The following HDAC9 variants were observed in gnomAD, a reference collection of about 807,000 sequenced individuals.
The protein encoded by HDAC9 is MEF-2 interacting transcription repressor (MITR) protein.
In HDAC9, 41 loss-of-function variants were observed where a neutral mutation model predicts 139.4. The observed-to-expected ratio is 0.29, with a 90% CI of 0.23 to 0.38. The LOEUF (loss-of-function observed/expected upper bound fraction) is 0.38. Ranked by LOEUF, HDAC9 falls within the 10% of genes least tolerant of loss-of-function variation. The pLI is 1.00. For synonymous variants in HDAC9, 517 were observed against 476.2 expected (o/e 1.09, Z -1.12); for missense variants, 1,147 against 1,297.0 (o/e 0.88, Z 1.78).
chr7:18,116,603 G>T (rs1024860736), intron 1 of HDAC9, among the ~76,000 whole-genome samples: 1 of 151,708 alleles, frequency 6.6e-6, no homozygotes, highest in African/African-American at 2.4e-5. Flanking sequence ...GTTAACATAC[G>T]TATCAAATAA....
intron 1 of HDAC9, among the ~76,000 whole-genome samples, chr7:18,356,994 A>C (rs919305600): frequency 6.6e-6 from 1 of 152,170 alleles, no homozygotes; most frequent in Non-Finnish European, 1.5e-5. Context: ...ACTAGCATTA[A>C]GGTATATACT....
rs913650733 is a variant in HDAC9 at position 18,573,052 on chromosome 7, T to C, written c.23-12229T>C. On this transcript the variant is annotated intron_variant, in intron 2 of 25. Coordinates refer to ENST00000686413, the MANE Select transcript of HDAC9 (RefSeq NM_178425.4). The stretch of plus-strand genomic sequence containing the variant: ...GTTGATATTTCAAGGCCTACTGATA[T>C]TTTAGTCATTTGCGGTTATTTTTGT... Among the ~76,000 whole-genome samples the C allele has an allele frequency of 1.1e-4, 16 of 152,220 alleles. No homozygotes were observed. The East Asian group carries it at 1.2e-3, about 11-fold the overall frequency.
chr7:18,637,375 G>C (rs1008437599), intron 8 of HDAC9, among the ~76,000 whole-genome samples: 2 of 151,974 alleles, frequency 1.3e-5, no homozygotes, highest in Admixed American at 6.6e-5. Context: ...AAAAGATTTT[G>C]CTTATACTGT....
intron 2 of HDAC9, among the ~76,000 whole-genome samples, chr7:18,566,423 T>C (rs552081816): frequency 6.6e-6 from 1 of 152,218 alleles, no homozygotes; most frequent in Non-Finnish European, 1.5e-5. Context: ...ATGGTGGTTA[T>C]TGATTTACCC....
chr7:18,388,944 A>G (rs1407229436), intron 1 of HDAC9, among the ~76,000 whole-genome samples: 2 of 152,068 alleles, frequency 1.3e-5, no homozygotes, highest in Non-Finnish European at 2.9e-5. Flanking sequence ...TTTTTGTCTG[A>G]ACTAACCTTT....
At chr7:18,495,300 A>G (rs1419174324), upstream of HDAC9, among the ~76,000 whole-genome samples, 1 of 152,134 alleles carries the variant, frequency 6.6e-6, no homozygotes, top group Non-Finnish European at 1.5e-5. Flanking sequence ...GTATTATTTT[A>G]GAACCAATAC....
At chr7:18,442,519 C>G (rs1469660304) in intron 1 of HDAC9, among the ~76,000 whole-genome samples, 1 of 152,162 alleles carries the variant, frequency 6.6e-6, no homozygotes, top group Non-Finnish European at 1.5e-5. Context: ...TATTCATATG[C>G]TCATTTTATC....
Position 18,518,332 on chromosome 7 carries a change from T to A in HDAC9, c.22+22008T>A, listed in dbSNP as rs563864540. On this transcript the variant is annotated intron_variant, in intron 2 of 25. Transcript: ENST00000686413. ...GGATCTGTGAATGAGCTTTAGGCAG[T>A]TTCTGAATCTAAGAAAATTGTCTGC... Among the ~76,000 whole-genome samples, 5 of 152,280 alleles carry A rather than the reference T, an allele frequency of 3.3e-5. No individual in the cohort carries two copies. The East Asian group carries it at 9.7e-4, about 29-fold the overall frequency.
At chr7:18,352,074 G>A (rs954758813) in intron 1 of HDAC9, among the ~76,000 whole-genome samples, 1 of 152,150 alleles carries the variant, frequency 6.6e-6, no homozygotes, top group African/African-American at 2.4e-5. Flanking sequence ...CACCCTTCAA[G>A]CTTCAGTTAA....
intron 25 of HDAC9, among the ~76,000 whole-genome samples, chr7:18,980,726 C>CCTTCTT (rs747058445): frequency 7.5e-6 from 1 of 133,206 alleles, no homozygotes; most frequent in Non-Finnish European, 1.6e-5. Flanking sequence ...TCTTCTTCTT[C>CCTTCTT]CTTCTTCTTC....
chr7:18,942,483 A>G (rs931459160), intron 23 of HDAC9, among the ~76,000 whole-genome samples: 3 of 152,072 alleles, frequency 2.0e-5, no homozygotes, highest in African/African-American at 7.2e-5. Flanking sequence ...AAAAATATGG[A>G]AGCTTTGAAT....
intron 9 of HDAC9, among the ~76,000 whole-genome samples, chr7:18,646,434 G>C (rs1254653194): frequency 6.6e-6 from 1 of 152,054 alleles, no homozygotes; most frequent in Non-Finnish European, 1.5e-5. Flanking sequence ...CTTCCATTTT[G>C]GTGTGGATGA....
At chr7:18,629,966 G>A (rs970300999) in intron 7 of HDAC9, among the ~76,000 whole-genome samples, 1 of 152,222 alleles carries the variant, frequency 6.6e-6, no homozygotes, top group Admixed American at 6.5e-5. Flanking sequence ...GTGTTTACTA[G>A]TGAAGTGGGA....
chr7:18,557,801 T>C (rs986893528), intron 2 of HDAC9, among the ~76,000 whole-genome samples: 1 of 151,106 alleles, frequency 6.6e-6, no homozygotes, highest in East Asian at 1.9e-4. Context: ...AAATTGTTGG[T>C]TTGTATTAGG....
chr7:18,765,151 A>G (rs1315692341), intron 15 of HDAC9, among the ~76,000 whole-genome samples: 2 of 152,184 alleles, frequency 1.3e-5, no homozygotes, highest in Non-Finnish European at 2.9e-5. Flanking sequence ...GTTTGGTGAA[A>G]TAAAAGTTTC....
chr7:18,927,137 T>C (rs527384841), intron 22 of HDAC9, among the ~76,000 whole-genome samples: 2 of 152,328 alleles, frequency 1.3e-5, no homozygotes, highest in South Asian at 2.1e-4. Context: ...GGTGATACTT[T>C]AATGAAAATT....
intron 16 of HDAC9, among the ~76,000 whole-genome samples, chr7:18,777,372 C>T (rs1176790895): frequency 6.6e-6 from 1 of 151,750 alleles, no homozygotes; most frequent in East Asian, 1.9e-4. Context: ...ATTTTAGTGT[C>T]TTCTTGAATG....
chr7:18,337,259 C>T (rs1330486700), intron 1 of HDAC9, among the ~76,000 whole-genome samples: 1 of 151,612 alleles, frequency 6.6e-6, no homozygotes, highest in Non-Finnish European at 1.5e-5. Context: ...TTCCTTTCTT[C>T]CTGTCAGCTG....
At chr7:18,268,610 G>A (rs1796150445) in intron 2 of HDAC9, among the ~76,000 whole-genome samples, 1 of 152,136 alleles carries the variant, frequency 6.6e-6, no homozygotes, top group South Asian at 2.1e-4. Context: ...AAAGATATTG[G>A]AACTAAATAA....
Sources: allele counts gnomAD v4.1 joint callset (sites outside exome capture counted in the v4.1 genomes callset), GRCh38; gene constraint gnomAD v4.1.1; transcripts MANE v1.5; gene names NCBI Gene and HGNC (gene_info 2026-07-23, HGNC 2026-07-21).